Variants in SEC14L1 observed in about 807,000 individuals in gnomAD.
SEC14L1 encodes the protein SEC14-like protein 1.
SEC14L1 carries 48 observed loss-of-function variants against 85.3 expected under a neutral mutation model. That is an observed-to-expected ratio of 0.56 (90% CI 0.45 to 0.72). The LOEUF (loss-of-function observed/expected upper bound fraction) is 0.72, where lower values mean the gene tolerates loss of function less well. Among genes scored for constraint, SEC14L1 ranks in the 30% least tolerant of loss-of-function variants. The pLI is 0.00. For synonymous variants in SEC14L1, 391 were observed against 355.5 expected (o/e 1.10, Z -1.12); for missense variants, 682 against 921.4 (o/e 0.74, Z 3.36).
chr17:77,201,049 C>CT (rs1374668712), intron 9 of SEC14L1, among the ~76,000 whole-genome samples: 2 of 152,232 alleles, frequency 1.3e-5, no homozygotes, highest in Non-Finnish European at 2.9e-5. Flanking sequence ...ATGACTTAAA[C>CT]CCTATGATAG....
In SEC14L1 at chr17:77,216,686, A is replaced by T; in HGVS notation, c.*2663A>T. 1 of 1,564,840 alleles carries T rather than the reference A, an allele frequency of 6.4e-7. No homozygotes were observed. Among genetic ancestry groups the T allele is most frequent in the Non-Finnish European group, 8.7e-7 (1 of 1,143,080 alleles). On this transcript the variant is annotated 3_prime_UTR_variant, in exon 17 of 17. Coordinates refer to ENST00000436233, the MANE Select transcript of SEC14L1 (RefSeq NM_001143998.2). ...CTGAAGATCTGTTCTTTTTAAGTTG[A>T]TTCGGGAGTGGCATTCTTTTATACC...
chr17:77,170,327 C>A (rs1012630509), intron 3 of SEC14L1, among the ~76,000 whole-genome samples: 2 of 151,974 alleles, frequency 1.3e-5, no homozygotes, highest in African/African-American at 2.4e-5. Flanking sequence ...ATGAGTGCAA[C>A]CGTTTTTGGT....
chr17:77,111,447 C>T (rs1972044795), intron 3 of SEC14L1, among the ~76,000 whole-genome samples: 1 of 148,716 alleles, frequency 6.7e-6, no homozygotes, highest in Non-Finnish European at 1.5e-5. Flanking sequence ...GGTTGGAGTG[C>T]AGTGGGGCAA....
chr17:77,098,953 G>A (rs1190965006), intron 3 of SEC14L1: 1 of 152,068 alleles, frequency 6.6e-6, no homozygotes. Context: ...GCCTGTTTGG[G>A]TTTGATGTGG....
chr17:77,174,579 C>T (rs577071337), intron 3 of SEC14L1, among the ~76,000 whole-genome samples: 7 of 152,274 alleles, frequency 4.6e-5, no homozygotes, highest in East Asian at 1.9e-4. Flanking sequence ...CTTTTTCTCC[C>T]GCGTTGCTAA....
intron 3 of SEC14L1, among the ~76,000 whole-genome samples, chr17:77,110,923 G>A (rs1316068192): frequency 6.6e-6 from 1 of 150,438 alleles, no homozygotes; most frequent in Admixed American, 6.6e-5. Context: ...GCTGGGCACA[G>A]TGGCTCACTC....
intron 3 of SEC14L1, among the ~76,000 whole-genome samples, chr17:77,121,506 G>A (rs1048958664): frequency 2.0e-4 from 30 of 152,160 alleles, no homozygotes; most frequent in Admixed American, 7.2e-4. Context: ...TTACAGGCAC[G>A]TGCCACCATG....
Position 77,213,446 on chromosome 17 carries a change from T to A in SEC14L1, c.1996T>A (p.Cys666Ser). The A allele has an allele frequency of 6.2e-7, 1 of 1,612,502 alleles. No individual in the cohort carries two copies. The highest frequency in any genetic ancestry group is 2.2e-5 in the East Asian group (1 of 44,872). The change falls in exon 16 of 17, where the codon TGT becomes AGT. Residue 666 changes from cysteine to serine, a missense_variant. By Grantham distance (112) the Cys-to-Ser change is moderately radical (BLOSUM62 -1). Transcript: ENST00000436233. The surrounding 1 kb of genome is among the most constrained non-coding windows in gnomAD (Gnocchi z 7.1). ...GTCCCTGCAGGTCTCTTCGCACAAGTGTAAAGTGATGTACTACACCGAGGT... is the reference window on the plus strand; with the variant it reads ...GTCCCTGCAGGTCTCTTCGCACAAGAGTAAAGTGATGTACTACACCGAGGT... ...LASLQVSSHK[C>S]KVMYYTEVIG...
At chr17:77,154,795 A>G (rs1300907846) in intron 3 of SEC14L1, among the ~76,000 whole-genome samples, 1 of 152,168 alleles carries the variant, frequency 6.6e-6, no homozygotes, top group Admixed American at 6.5e-5. Context: ...GTATCAGTAG[A>G]ATATCCGAGG....
At chr17:77,104,979 G>A (rs1326587851) in intron 3 of SEC14L1, among the ~76,000 whole-genome samples, 1 of 151,830 alleles carries the variant, frequency 6.6e-6, no homozygotes, top group Non-Finnish European at 1.5e-5. Flanking sequence ...ACATTGGTTC[G>A]GTCTCTGGAA....
chr17:77,130,564 T>G (rs1348156358), intron 3 of SEC14L1, among the ~76,000 whole-genome samples: 1 of 152,026 alleles, frequency 6.6e-6, no homozygotes. Flanking sequence ...CTCAAGTGAT[T>G]CACCTGCCTC....
At chr17:77,191,582 G>A (rs546994776) in intron 5 of SEC14L1, among the ~76,000 whole-genome samples, 4 of 151,512 alleles carry the variant, frequency 2.6e-5, no homozygotes, top group Non-Finnish European at 4.4e-5. Context: ...TCCCTCTGTC[G>A]CCCAGGCCGG....
chr17:77,188,218 T>C (rs970926869), intron 3 of SEC14L1, among the ~76,000 whole-genome samples: 2 of 152,226 alleles, frequency 1.3e-5, no homozygotes, highest in Non-Finnish European at 2.9e-5. Flanking sequence ...GTCAGGATGC[T>C]GCCGTGCGCA....
At chr17:77,196,596 T>C (rs1217300304) in intron 8 of SEC14L1, among the ~76,000 whole-genome samples, 2 of 152,198 alleles carry the variant, frequency 1.3e-5, no homozygotes, top group African/African-American at 4.8e-5. Context: ...CACATTCAAA[T>C]TTTCAGAAGG....
At chr17:77,188,781 C>A (rs559996410) in intron 3 of SEC14L1, among the ~76,000 whole-genome samples, 2 of 152,258 alleles carry the variant, frequency 1.3e-5, no homozygotes, top group Non-Finnish European at 2.9e-5. Flanking sequence ...TTCAGTTCTT[C>A]CACATCCCAA....
At chr17:77,130,441 C>T (rs1379477652) in intron 3 of SEC14L1, among the ~76,000 whole-genome samples, 3 of 151,438 alleles carry the variant, frequency 2.0e-5, no homozygotes, top group Non-Finnish European at 4.4e-5. Flanking sequence ...CTCAGCCTCC[C>T]GAGTATCTGG....
intron 1 of SEC14L1, among the ~76,000 whole-genome samples, chr17:77,142,371 T>C (rs1054931853): frequency 1.3e-5 from 2 of 151,988 alleles, no homozygotes; most frequent in Non-Finnish European, 2.9e-5. Context: ...GCCCAGGAGT[T>C]TGAGACCAGC....
intron 2 of SEC14L1, among the ~76,000 whole-genome samples, chr17:77,090,900 C>A (rs1346577193): frequency 6.9e-6 from 1 of 143,904 alleles, no homozygotes; most frequent in Non-Finnish European, 1.6e-5. Context: ...AGGTGGGGGG[C>A]TTAAAGCTGC....
At position 77,171,730 on chromosome 17, in the gene SEC14L1, C is replaced by T. The variant is rs145407009; in HGVS notation, c.64-19073C>T. ...TTAATGCAAACAGCTCACATGTTTG[C>T]GCAGAGCAGGTGCAGACCCGTTATT... is the stretch of plus-strand genomic sequence containing the variant. On this transcript the variant is annotated intron_variant, in intron 3 of 16. Coordinates refer to ENST00000436233, the MANE Select transcript of SEC14L1 (RefSeq NM_001143998.2). Among the ~76,000 whole-genome samples, 223 of 152,298 alleles carry T rather than the reference C, an allele frequency of 1.5e-3. 3 individuals carry two copies. Among genetic ancestry groups the T allele is most frequent in the African/African-American group, 5.1e-3 (214 of 41,566 alleles).
Sources: gnomAD v4.1 joint callset for allele counts (sites outside exome capture counted in the v4.1 genomes callset) on GRCh38, gnomAD v4.1.1 for gene constraint, Gnocchi (gnomAD v3.1) non-coding constraint, MANE v1.5 for transcripts, NCBI Gene and HGNC (gene_info 2026-07-23, HGNC 2026-07-21) for gene names.